Variants in C5 observed in about 807,000 individuals in gnomAD.
C5 encodes C3 and PZP-like alpha-2-macroglobulin domain-containing protein 4.
Under a neutral mutation model 218.8 loss-of-function variants are expected in C5, and 140 were observed. The observed-to-expected ratio is 0.64, with a 90% CI of 0.56 to 0.74. The LOEUF is 0.74. Ranked by LOEUF, C5 falls within the 30% of genes least tolerant of loss-of-function variation. The pLI is 0.00. For missense variants in C5, 1,700 were observed against 1,969.6 expected, an observed-to-expected ratio of 0.86 and a Z score of 2.59; for synonymous variants, 614 against 682.3, an observed-to-expected ratio of 0.90 and a Z score of 1.56.
rs1287848158 is a variant in C5, at chr9:121,032,115, T to C, written c.665A>G (p.Tyr222Cys). 4.4e-6 allele frequency: 7 copies of C among 1,577,008 alleles called. No individual in the cohort carries two copies. Among genetic ancestry groups the C allele is most frequent in the Non-Finnish European group, 6.1e-6 (7 of 1,146,516 alleles). The stretch of plus-strand genomic sequence containing the variant: ...AACTTTTACTTGTCAGAAATTACCA[T>C]ATTCTTTAACTTCAAAATATGCGGT... ...TGTAYFEVKE[Y>C]VLPHFSVSIE... is the part of the protein sequence containing the mutation. The change falls in exon 6 of 41, where the codon TAT becomes TGT. Residue 222 changes from tyrosine (Y) to cysteine (C), a missense_variant and splice_region_variant. By Grantham distance (194) the Tyr-to-Cys change is radical. Transcript: ENST00000223642.
chr9:120,968,931 T>C (rs1182442042), intron 33 of C5, 130 bp downstream of exon 33: 2 of 785,104 alleles, frequency 2.5e-6, no homozygotes, highest in African/African-American at 3.4e-5. Context: ...ATATATGTTC[T>C]GCATTTTTAA....
intron 25 of C5, among the ~76,000 whole-genome samples, chr9:120,987,854 G>A (rs528128463): frequency 8.6e-5 from 13 of 151,850 alleles, no homozygotes; most frequent in Non-Finnish European, 1.8e-4. Flanking sequence ...GTGCAGTAGC[G>A]CGATCTCGGC....
intron 28 of C5, among the ~76,000 whole-genome samples, chr9:120,978,172 T>A (rs1402670576): frequency 2.0e-5 from 3 of 152,174 alleles, no homozygotes; most frequent in Non-Finnish European, 4.4e-5. Context: ...GCACTTTTCA[T>A]AAATTAGGCT....
At chr9:121,051,116 C>A (rs2047668187), upstream of C5, among the ~76,000 whole-genome samples, 1 of 148,874 alleles carries the variant, frequency 6.7e-6, no homozygotes, top group Non-Finnish European at 1.5e-5. Context: ...AAAATTTTAT[C>A]TTTATACTTT....
chr9:121,049,716 A>C (rs915124513), intron 1 of C5, among the ~76,000 whole-genome samples: 1 of 152,212 alleles, frequency 6.6e-6, no homozygotes, highest in African/African-American at 2.4e-5. Flanking sequence ...ATATTATCTC[A>C]ATAATGACAC....
intron 22 of C5, among the ~76,000 whole-genome samples, chr9:120,993,974 A>G (rs983919002): frequency 6.6e-6 from 1 of 152,192 alleles, no homozygotes; most frequent in Non-Finnish European, 1.5e-5. Flanking sequence ...GTGTGTCAGG[A>G]AATGAGGGAG....
chr9:121,018,878 A>G (rs1290659504), intron 12 of C5, among the ~76,000 whole-genome samples: 1 of 152,120 alleles, frequency 6.6e-6, no homozygotes, highest in East Asian at 1.9e-4. Flanking sequence ...CATTCTCACA[A>G]TACATCAATA....
At chr9:120,957,120 G>T (rs1054741647) in intron 39 of C5, 165 bp downstream of exon 39, 4 of 558,392 alleles carry the variant, frequency 7.2e-6, no homozygotes, top group East Asian at 3.1e-5. Context: ...ATATTTATAC[G>T]AACATCTTTA....
intron 9 of C5, 143 bp from the exon 10 acceptor site, chr9:121,023,662 A>C: frequency 1.5e-6 from 1 of 683,470 alleles, no homozygotes; most frequent in Non-Finnish European, 2.7e-6. Context: ...AGTAGTAAGT[A>C]GGACATAGGT....
intron 32 of C5, among the ~76,000 whole-genome samples, chr9:120,969,707 A>C (rs1400180500): frequency 6.6e-6 from 1 of 152,188 alleles, no homozygotes; most frequent in Non-Finnish European, 1.5e-5. Flanking sequence ...TACAGGAGAG[A>C]CTAAGTTAAA....
In C5 at chr9:120,982,697, T is replaced by G; in HGVS notation, c.3348A>C (p.Gly1116=). ...WLVENYQLDN[G]SFKENSQYQP... is the part of the protein sequence containing the mutation. ...GATACTGTGAATTTTCCTTGAAAGA[T>G]CCATTATCTAATTGATAATTCTCAA... The change falls in exon 26 of 41, where the codon GGA becomes GGC. Residue 1116 remains glycine (G), a synonymous_variant. Coordinates refer to ENST00000223642, the MANE Select transcript of C5 (RefSeq NM_001735.3). The G allele has an allele frequency of 6.2e-7, 1 of 1,608,946 alleles. No homozygotes were observed. Among genetic ancestry groups the G allele is most frequent in the African/African-American group, 1.3e-5 (1 of 74,930 alleles).
intron 11 of C5, among the ~76,000 whole-genome samples, chr9:121,021,232 A>G (rs2047362609): frequency 6.6e-6 from 1 of 152,200 alleles, no homozygotes; most frequent in Non-Finnish European, 1.5e-5. Context: ...GTGCACTGCT[A>G]TACCTATTCT....
chr9:121,034,725 G>A (rs887115199), intron 5 of C5, 78 bp downstream of exon 5: 11 of 757,722 alleles, frequency 1.5e-5, no homozygotes, highest in Admixed American at 1.1e-4. Context: ...TTAACATTAG[G>A]TGGCCCCCTT....
At chr9:121,043,700 C>CG (rs1554725965) in intron 2 of C5, among the ~76,000 whole-genome samples, 3 of 120,662 alleles carry the variant, frequency 2.5e-5, no homozygotes, top group East Asian at 4.9e-4. Context: ...GTCCAGCTAA[C>CG]TTTTTTTTTT....
At chr9:121,058,822 A>G in the C5 span, among the ~76,000 whole-genome samples, 1 of 152,218 alleles carries the variant, frequency 6.6e-6, no homozygotes, top group African/African-American at 2.4e-5. Flanking sequence ...CTTATTATAT[A>G]CTATTGTGTA....
At chr9:121,005,856 A>G in intron 20 of C5, 63 bp downstream of exon 20, 1 of 1,537,198 alleles carries the variant, frequency 6.5e-7, no homozygotes, top group African/African-American at 1.4e-5. Flanking sequence ...TAATTCCACT[A>G]ATAGAATTCT....
the C5 span, among the ~76,000 whole-genome samples, chr9:121,061,221 C>A: frequency 5.3e-5 from 8 of 151,822 alleles, no homozygotes; most frequent in African/African-American, 9.7e-5. Flanking sequence ...ATCACACACA[C>A]AAAAAAGTAG....
the C5 span, among the ~76,000 whole-genome samples, chr9:121,071,519 T>A: frequency 6.6e-6 from 1 of 152,058 alleles, no homozygotes; most frequent in African/African-American, 2.4e-5. Context: ...ACCCCATCTT[T>A]ACAAAAAGTT....
intron 33 of C5, among the ~76,000 whole-genome samples, chr9:120,968,679 G>A (rs2131678817): frequency 6.6e-6 from 1 of 152,316 alleles, no homozygotes; most frequent in Admixed American, 6.5e-5. Flanking sequence ...TGCAGCTTGA[G>A]TTGAGAATCT....
Sources: allele counts gnomAD v4.1 joint callset (sites outside exome capture counted in the v4.1 genomes callset), GRCh38; gene constraint gnomAD v4.1.1; transcripts MANE v1.5; gene names NCBI Gene and HGNC (gene_info 2026-07-23, HGNC 2026-07-21).